PRDM5: variants seen among roughly 807,000 people sequenced by gnomAD.
PRDM5 encodes the protein PR domain zinc finger protein 5.
In PRDM5, 56 loss-of-function variants were observed where a neutral mutation model predicts 81.2. The observed-to-expected ratio is 0.69, with a 90% CI of 0.56 to 0.86. The LOEUF is 0.86. Among genes scored for constraint, PRDM5 ranks in the 40% least tolerant of loss-of-function variants. The pLI, the probability that PRDM5 is intolerant of heterozygous loss-of-function variation, is 0.00. For synonymous variants in PRDM5, 267 were observed against 256.4 expected, an observed-to-expected ratio of 1.04 and a Z score of -0.39; for missense variants, 697 against 770.1, an observed-to-expected ratio of 0.91 and a Z score of 1.12.
intron 3 of PRDM5, among the ~76,000 whole-genome samples, chr4:120,825,270 G>A (rs1232248691): frequency 6.6e-6 from 1 of 152,154 alleles, no homozygotes; most frequent in Admixed American, 6.6e-5. Context: ...CATGTGGAAA[G>A]CATTCATGAG....
chr4:120,818,144 T>C (rs1680329363), intron 5 of PRDM5: 7 of 546,104 alleles, frequency 1.3e-5, no homozygotes, highest in South Asian at 9.4e-5. Context: ...AAATCCATAA[T>C]TTGAATATTT....
rs748165562 is a variant in PRDM5 at position 120,785,071 on chromosome 4, C to T, written c.1209G>A (p.Pro403=). Residue 403 remains proline (P), a synonymous_variant, in exon 11 of 16, where the codon CCG becomes CCA. Coordinates refer to ENST00000264808, the MANE Select transcript of PRDM5 (RefSeq NM_018699.4). The part of the protein sequence containing the change: ...NHKKTHSEER[P]FQCEECKALF... Reference sequence around the variant, plus strand: ...AAGCTTTACATTCTTCACATTGGAACGGTCTCTCCTCAGAGTGGGTCTGCA... The same window carrying T: ...AAGCTTTACATTCTTCACATTGGAATGGTCTCTCCTCAGAGTGGGTCTGCA... 1.2e-5 allele frequency: 19 copies of T among 1,611,148 alleles called. No homozygotes were observed. The East Asian group carries it at 1.3e-4, about 11-fold the overall frequency.
intron 2 of PRDM5, among the ~76,000 whole-genome samples, chr4:120,863,219 C>CACACAT (rs1403436897): frequency 6.9e-6 from 1 of 144,556 alleles, no homozygotes; most frequent in Non-Finnish European, 1.5e-5. Context: ...CACACACACA[C>CACACAT]ACACACATAT....
chr4:120,694,839 C>A lies in PRDM5; in HGVS notation c.*272G>T. The A allele has an allele frequency of 2.4e-6, 1 of 419,378 alleles. No individual in the cohort carries two copies. Among genetic ancestry groups the A allele is most frequent in the Non-Finnish European group, 4.4e-6 (1 of 226,092 alleles). 26.0% of individuals were successfully genotyped at this position (419,378 alleles called of 1,614,324 possible). ...CAGAGGGATGGCCAAGAAAGAGAGC[C>A]ATGACTCCTTTCTCCATTTTTATAA... On this transcript the variant is annotated 3_prime_UTR_variant, in exon 16 of 16. Transcript: ENST00000264808.
Position 120,847,143 on chromosome 4 carries a change from A to C in PRDM5, c.300+6275T>G, listed in dbSNP as rs548339870. Among the ~76,000 whole-genome samples, 3 of 152,236 alleles carry C rather than the reference A, an allele frequency of 2.0e-5. No individual in the cohort carries two copies. In the East Asian group the frequency reaches 5.8e-4, roughly 29 times the overall value. ...CACTGATCACTGCTGTAGCTTGAAG[A>C]CAGATGTCTCAACCTCTAGGATGTC... On this transcript the variant is annotated intron_variant, in intron 3 of 15. Transcript: ENST00000264808.
intron 1 of PRDM5, among the ~76,000 whole-genome samples, chr4:120,916,317 G>A (rs866146424): frequency 2.6e-5 from 4 of 152,014 alleles, no homozygotes; most frequent in Non-Finnish European, 5.9e-5. Flanking sequence ...AACCTGGGAG[G>A]CAAAGGTTGC....
chr4:120,720,454 G>A (rs1738438086), intron 14 of PRDM5, among the ~76,000 whole-genome samples: 2 of 152,160 alleles, frequency 1.3e-5, no homozygotes, highest in Non-Finnish European at 2.9e-5. Context: ...CAGAATCGTG[G>A]GTGAAATTTA....
intron 2 of PRDM5, among the ~76,000 whole-genome samples, chr4:120,859,959 G>C (rs890635137): frequency 1.2e-4 from 18 of 152,162 alleles, no homozygotes; most frequent in African/African-American, 4.3e-4. Context: ...AATCCAGCCT[G>C]GAAAGGACGA....
chr4:120,693,079 T>C lies in PRDM5; in HGVS notation c.*2032A>G, dbSNP rs918709933. The C allele has an allele frequency of 2.6e-5, 4 of 152,060 alleles. No individual in the cohort carries two copies. Among genetic ancestry groups the C allele is most frequent in the African/African-American group, 9.7e-5 (4 of 41,410 alleles). 9.4% of individuals were successfully genotyped at this position (152,060 alleles called of 1,614,324 possible). A position where few individuals can be genotyped will look rare whatever the true frequency, so the allele number is the denominator to read the frequency against. On this transcript the variant is annotated 3_prime_UTR_variant, in exon 16 of 16. Coordinates refer to ENST00000264808, the MANE Select transcript of PRDM5 (RefSeq NM_018699.4). ...CATTTTCTAAAGATTTCCATGTCTA[T>C]AAACCTTCAGCAGGATAAAGCCCAG... is the stretch of plus-strand genomic sequence containing the variant.
chr4:120,884,382 C>T (rs1008823538), intron 2 of PRDM5, among the ~76,000 whole-genome samples: 23 of 152,118 alleles, frequency 1.5e-4, no homozygotes, highest in Non-Finnish European at 3.4e-4. Flanking sequence ...TACACTTTCT[C>T]TCTACTTGAA....
At chr4:120,834,457 C>G (rs1158270283) in intron 3 of PRDM5, among the ~76,000 whole-genome samples, 1 of 152,136 alleles carries the variant, frequency 6.6e-6, no homozygotes, top group African/African-American at 2.4e-5. Flanking sequence ...CGTCAGACAA[C>G]TGAAACAGCA....
chr4:120,732,757 A>C (rs1013340243), intron 14 of PRDM5, among the ~76,000 whole-genome samples: 1 of 152,320 alleles, frequency 6.6e-6, no homozygotes, highest in African/African-American at 2.4e-5. Context: ...AGGAAAGATA[A>C]TGTCATCGAA....
At chr4:120,872,286 G>GA (rs1275929049) in intron 2 of PRDM5, among the ~76,000 whole-genome samples, 6 of 151,976 alleles carry the variant, frequency 3.9e-5, no homozygotes, top group Middle Eastern at 3.4e-3. Flanking sequence ...AACCAAGAGG[G>GA]AGAAGCAACT....
chr4:120,886,947 CT>C (rs34889092), intron 2 of PRDM5, among the ~76,000 whole-genome samples: 2,228 of 142,384 alleles, frequency 0.016, 24 homozygotes, highest in Middle Eastern at 0.06. Context: ...TCTTCTCTTT[CT>C]TTTTTTTTTT....
chr4:120,866,375 C>T (rs978198527), intron 2 of PRDM5, among the ~76,000 whole-genome samples: 2 of 152,234 alleles, frequency 1.3e-5, no homozygotes, highest in East Asian at 1.9e-4. Flanking sequence ...CTTTTACAAA[C>T]ATGTGCTTTG....
Position 120,717,058 on chromosome 4 carries a change from T to C in PRDM5, c.1624-6645A>G, listed in dbSNP as rs1394595333. On this transcript the variant is annotated intron_variant, in intron 14 of 15. Coordinates refer to ENST00000264808, the MANE Select transcript of PRDM5 (RefSeq NM_018699.4). ...CTGTTCCTGCTCCTTTCTTTGAACA[T>C]TGTGAAAAAAAAAAAAAAAAACTTC... Among the ~76,000 whole-genome samples, 278 of 81,312 alleles carry C rather than the reference T, an allele frequency of 3.4e-3. 1 individual carries two copies. The highest frequency in any genetic ancestry group is 0.011 in the Middle Eastern group (2 of 188). The allele number at this position is 81,312 out of a possible 152,430, so 53.3% of individuals were successfully genotyped here.
At chr4:120,883,963 A>T (rs1763128228) in intron 2 of PRDM5, among the ~76,000 whole-genome samples, 1 of 152,222 alleles carries the variant, frequency 6.6e-6, no homozygotes, top group Non-Finnish European at 1.5e-5. Flanking sequence ...AAAACTAATG[A>T]ATTACACATT....
At chr4:120,853,375 C>A in intron 3 of PRDM5, 43 bp downstream of exon 3, 1 of 1,612,704 alleles carries the variant, frequency 6.2e-7, no homozygotes, top group South Asian at 1.1e-5. Flanking sequence ...TAATTCATCC[C>A]CCCTCACAGT....
rs1474325907 is a variant in PRDM5 at position 120,759,474 on chromosome 4, C to T, written c.1538-4836G>A. Among the ~76,000 whole-genome samples, 7 of 152,236 alleles carry T rather than the reference C, an allele frequency of 4.6e-5. No homozygotes were observed. The East Asian group carries it at 1.2e-3, about 25-fold the overall frequency. On this transcript the variant is annotated intron_variant, in intron 13 of 15. Coordinates refer to ENST00000264808, the MANE Select transcript of PRDM5 (RefSeq NM_018699.4). ...GGAACCTGAAGGTTACCTGTACAGT[C>T]AACAGGTTAATAACTACTAAAGTCA...
Sources: allele counts gnomAD v4.1 joint callset (sites outside exome capture counted in the v4.1 genomes callset), GRCh38; gene constraint gnomAD v4.1.1; transcripts MANE v1.5; gene names NCBI Gene and HGNC (gene_info 2026-07-23, HGNC 2026-07-21).